CDH4: variants seen among roughly 807,000 people sequenced by gnomAD.
CDH4 encodes the protein cadherin 4, also known as cadherin-4.
Under a neutral mutation model 86.0 loss-of-function variants are expected in CDH4, and 33 were observed. That is an observed-to-expected ratio of 0.38 (90% confidence interval 0.29 to 0.51). CDH4 has a LOEUF of 0.51. CDH4 is among the 20% of genes least tolerant of loss of function. The probability of loss-of-function intolerance (pLI) is 0.86; values close to 1 mark genes in which losing one functional copy is unlikely to be tolerated. For missense variants in CDH4, 1,114 were observed against 1,307.4 expected (o/e 0.85, Z 2.28); for synonymous variants, 555 against 549.4 (o/e 1.01, Z -0.14).
intron 2 of CDH4, among the ~76,000 whole-genome samples, chr20:61,488,220 C>G (rs966036210): frequency 2.0e-5 from 3 of 152,322 alleles, no homozygotes; most frequent in East Asian, 3.9e-4. Flanking sequence ...AGGCAAAGCA[C>G]AGAGTAGGTA....
chr20:61,729,040 C>G (rs1390197377), intron 2 of CDH4, among the ~76,000 whole-genome samples: 1 of 152,194 alleles, frequency 6.6e-6, no homozygotes, highest in Non-Finnish European at 1.5e-5. Context: ...GAATGTCAGT[C>G]TCCAGCCGTC....
intron 2 of CDH4, among the ~76,000 whole-genome samples, chr20:61,334,174 C>A (rs530192892): frequency 6.6e-6 from 1 of 152,332 alleles, no homozygotes; most frequent in South Asian, 2.1e-4. Flanking sequence ...CTGTAACCCC[C>A]CAAGTCTGCT....
intron 8 of CDH4, among the ~76,000 whole-genome samples, chr20:61,900,336 C>T (rs1985335211): frequency 1.3e-4 from 2 of 15,136 alleles, no homozygotes; most frequent in African/African-American, 1.8e-4. Flanking sequence ...GTGCAAGCCT[C>T]GGCCGCACAG....
chr20:61,341,003 C>T (rs2084646626), intron 2 of CDH4, among the ~76,000 whole-genome samples: 1 of 152,230 alleles, frequency 6.6e-6, no homozygotes, highest in African/African-American at 2.4e-5. Context: ...GCAGATGCAG[C>T]AGGTAGCAGC....
chr20:61,442,613 CAG>C (rs1366001304), intron 2 of CDH4, among the ~76,000 whole-genome samples: 1 of 152,210 alleles, frequency 6.6e-6, no homozygotes, highest in Non-Finnish European at 1.5e-5. Flanking sequence ...GGCTGCGTTA[CAG>C]AGACTCAAAG....
chr20:61,492,199 TTGATATTGG>T (rs2085630937), intron 2 of CDH4, among the ~76,000 whole-genome samples: 1 of 151,766 alleles, frequency 6.6e-6, no homozygotes, highest in South Asian at 2.1e-4. Context: ...GTTGATATTG[TTGATATTGG>T]TGGTGTTGAT....
intron 2 of CDH4, among the ~76,000 whole-genome samples, chr20:61,581,363 A>G (rs1179093686): frequency 6.6e-6 from 1 of 152,250 alleles, no homozygotes; most frequent in Admixed American, 6.5e-5. Flanking sequence ...GGCTACAGCC[A>G]GAGGGTCAGG....
intron 10 of CDH4, among the ~76,000 whole-genome samples, 182 bp from the exon 11 acceptor site, chr20:61,924,152 G>A (rs949835247): frequency 6.6e-6 from 1 of 152,232 alleles, no homozygotes; most frequent in East Asian, 1.9e-4. Context: ...GGGGCCGGGG[G>A]GGAGGGTGCC....
At chr20:61,793,937 G>C (rs1172341885) in intron 4 of CDH4, among the ~76,000 whole-genome samples, 1 of 149,566 alleles carries the variant, frequency 6.7e-6, no homozygotes, top group Non-Finnish European at 1.5e-5. Context: ...AGGAGATAGA[G>C]AGCATCCTGA....
chr20:61,765,433 C>T (rs564155451), intron 3 of CDH4, among the ~76,000 whole-genome samples: 2 of 152,320 alleles, frequency 1.3e-5, no homozygotes, highest in South Asian at 4.1e-4. Flanking sequence ...CAGGGACTCA[C>T]CCTGGGGTCT....
intron 2 of CDH4, among the ~76,000 whole-genome samples, chr20:61,273,313 G>A (rs1207819626): frequency 7.1e-6 from 1 of 140,072 alleles, no homozygotes; most frequent in Non-Finnish European, 1.5e-5. Context: ...CAGTTTGGGG[G>A]AATACCATGT....
At chr20:61,320,864 C>T (rs1002649768) in intron 2 of CDH4, among the ~76,000 whole-genome samples, 1 of 151,838 alleles carries the variant, frequency 6.6e-6, no homozygotes, top group Admixed American at 6.6e-5. Context: ...GAGGGGTGGG[C>T]AGGGCTGTGG....
intron 4 of CDH4, among the ~76,000 whole-genome samples, chr20:61,818,963 G>T (rs543058141): frequency 6.6e-6 from 1 of 152,240 alleles, no homozygotes; most frequent in Non-Finnish European, 1.5e-5. Flanking sequence ...GCCTGCAGGG[G>T]CTGCTTAGGG....
At chr20:61,922,055 C>T (rs898007508) in intron 9 of CDH4, among the ~76,000 whole-genome samples, 7 of 152,224 alleles carry the variant, frequency 4.6e-5, no homozygotes, top group African/African-American at 7.2e-5. Flanking sequence ...TTCCTCTTTA[C>T]GGCTGCAAGT....
At chr20:61,382,110 A>G (rs1178214532) in intron 2 of CDH4, among the ~76,000 whole-genome samples, 1 of 152,028 alleles carries the variant, frequency 6.6e-6, no homozygotes, top group Non-Finnish European at 1.5e-5. Context: ...AAATAAAAAG[A>G]TCACTGTTCT....
intron 2 of CDH4, among the ~76,000 whole-genome samples, chr20:61,736,646 G>GGAGA (rs755619100): frequency 6.5e-5 from 9 of 138,258 alleles, no homozygotes; most frequent in South Asian, 2.2e-4. Context: ...AAGGAAGGAA[G>GGAGA]GAGAGAGAGA....
intron 2 of CDH4, among the ~76,000 whole-genome samples, chr20:61,533,481 C>T (rs775807886): frequency 2.4e-4 from 37 of 152,214 alleles, no homozygotes; most frequent in Admixed American, 5.9e-4. Context: ...AGGAAAGACC[C>T]GCGTGGCCTG....
intron 2 of CDH4, among the ~76,000 whole-genome samples, chr20:61,380,367 G>A (rs902947835): frequency 6.6e-6 from 1 of 152,096 alleles, no homozygotes; most frequent in African/African-American, 2.4e-5. Context: ...ACTCATCCCC[G>A]TTTTACCCAG....
chr20:61,767,705 C>T (rs755017260), intron 3 of CDH4, among the ~76,000 whole-genome samples: 1 of 152,128 alleles, frequency 6.6e-6, no homozygotes, highest in African/African-American at 2.4e-5. Context: ...TGAAGCAGGG[C>T]AGAGTCAAAG....
Sources: allele counts gnomAD v4.1 joint callset (sites outside exome capture counted in the v4.1 genomes callset), GRCh38; gene constraint gnomAD v4.1.1; transcripts MANE v1.5; gene names NCBI Gene and HGNC (gene_info 2026-07-23, HGNC 2026-07-21).